NFATC2: variants seen among roughly 807,000 people sequenced by gnomAD.
NFATC2 encodes the protein nuclear factor of activated T-cells, cytoplasmic 2.
Under a neutral mutation model 87.3 loss-of-function variants are expected in NFATC2, and 22 were observed. The observed-to-expected ratio is 0.25, with a 90% CI of 0.18 to 0.36. The LOEUF (loss-of-function observed/expected upper bound fraction) is 0.36. Ranked by LOEUF, NFATC2 falls within the 10% of genes least tolerant of loss-of-function variation. The probability of loss-of-function intolerance (pLI) is 1.00; values close to 1 mark genes in which losing one functional copy is unlikely to be tolerated. For missense variants in NFATC2, 1,149 were observed against 1,259.1 expected, an observed-to-expected ratio of 0.91 and a Z score of 1.32; for synonymous variants, 565 against 542.2, an observed-to-expected ratio of 1.04 and a Z score of -0.58.
chr20:51,562,468 C>G lies in NFATC2; in HGVS notation c.70+92G>C, dbSNP rs996221356. On this transcript the variant is annotated intron_variant, in intron 1 of 10. Coordinates refer to the NFATC2 transcript ENST00000414705. The surrounding 1 kb of genome is among the most constrained non-coding windows in gnomAD (Gnocchi z 5.8). ...CCAGGCCTCCCGCACCGACCTCTGC[C>G]GGGAGCTGAAAGTGCTGCCCGGGAC... The G allele has an allele frequency of 8.4e-7, 1 of 1,195,510 alleles. No homozygotes were observed. The highest frequency in any genetic ancestry group is 2.7e-5 in the East Asian group (1 of 37,212). 74.1% of individuals were successfully genotyped at this position (1,195,510 alleles called of 1,614,324 possible).
At chr20:51,497,455 T>C (rs1036526415) in intron 3 of NFATC2, among the ~76,000 whole-genome samples, 4 of 152,230 alleles carry the variant, frequency 2.6e-5, no homozygotes, top group African/African-American at 7.2e-5. Context: ...ATCCCATTTT[T>C]GCACAAGACT....
At chr20:51,503,231 G>A (rs1302170925) in intron 3 of NFATC2, among the ~76,000 whole-genome samples, 1 of 152,202 alleles carries the variant, frequency 6.6e-6, no homozygotes, top group Non-Finnish European at 1.5e-5. Flanking sequence ...TGTGCACCAT[G>A]TGAATGCATT....
intron 8 of NFATC2, among the ~76,000 whole-genome samples, chr20:51,433,386 C>A (rs1983059118): frequency 6.6e-6 from 1 of 152,202 alleles, no homozygotes; most frequent in South Asian, 2.1e-4. Flanking sequence ...TCTCAAGCCT[C>A]AGTTTCCCCA....
chr20:51,465,864 G>A (rs753915529), intron 5 of NFATC2, among the ~76,000 whole-genome samples: 4 of 152,012 alleles, frequency 2.6e-5, no homozygotes, highest in Non-Finnish European at 5.9e-5. Flanking sequence ...GTTTTGTTCA[G>A]TGTTGCATCC....
rs557028905 is a variant in NFATC2 at position 51,556,359 on chromosome 20, C to A, written c.70+6201G>T. Among the ~76,000 whole-genome samples the A allele has an allele frequency of 5.0e-4, 76 of 152,306 alleles. No homozygotes were observed. In the South Asian group the frequency reaches 6.0e-3, roughly 12 times the overall value. The stretch of plus-strand genomic sequence containing the variant: ...CACCCACTCACCAGACACACACACA[C>A]CCCAAGTCGTTCGCAACTCCATTCT... On this transcript the variant is annotated intron_variant, in intron 1 of 10. Transcript: ENST00000414705.
chr20:51,541,055 A>G (rs1369433225), intron 1 of NFATC2, among the ~76,000 whole-genome samples: 1 of 152,174 alleles, frequency 6.6e-6, no homozygotes, highest in African/African-American at 2.4e-5. Context: ...CAAAATTATT[A>G]CTAATGACCA....
rs759619175 is a variant in NFATC2 at position 51,432,548 on chromosome 20, T to G, written c.2241A>C (p.Pro747=). The part of the protein sequence containing the change: ...SPDARYQQQN[P]AAVLYQRSKS... ...TGCTCCGCTGGTAGAGTACGGCCGC[T>G]GGGTTCTGTTGCTGGTAGCGGGCGT... The change falls in exon 9 of 11, where the codon CCA becomes CCC. Residue 747 remains proline (P), a synonymous_variant. Transcript: ENST00000371564. The surrounding 1 kb of genome is among the most constrained non-coding windows in gnomAD (Gnocchi z 4.6). 6.5e-7 allele frequency: 1 copy of G among 1,544,372 alleles called. No homozygotes were observed. The highest frequency in any genetic ancestry group is 2.0e-5 in the Admixed American group (1 of 49,398).
chr20:51,515,752 G>C (rs1357744062), intron 3 of NFATC2, among the ~76,000 whole-genome samples: 1 of 151,590 alleles, frequency 6.6e-6, no homozygotes, highest in Non-Finnish European at 1.5e-5. Context: ...TCCTTAATCA[G>C]AGGTACACAC....
At position 51,432,595 on chromosome 20, in the gene NFATC2, G is replaced by C. The variant is rs772742074; in HGVS notation, c.2194C>G (p.Arg732Gly). The C allele has an allele frequency of 2.6e-6, 4 of 1,530,444 alleles. No homozygotes were observed. The highest frequency in any genetic ancestry group is 3.5e-6 in the Non-Finnish European group (4 of 1,139,792). The allele number at this position is 1,530,444 out of a possible 1,614,324, so 94.8% of individuals were successfully genotyped here. A position where few individuals can be genotyped will look rare whatever the true frequency, so the allele number is the denominator to read the frequency against. Residue 732 changes from arginine (R) to glycine (G), a missense_variant, in exon 9 of 11, where the codon CGC (arginine) becomes GGC (glycine). By Grantham distance (125) the Arg-to-Gly change is moderately radical. Around this residue, in one of 3 missense-constraint regions of NFATC2, gnomAD observed 581 missense variants for 649.7 expected, o/e 0.89. Coordinates refer to ENST00000371564, the MANE Select transcript of NFATC2 (RefSeq NM_012340.5). The surrounding 1 kb of genome is among the most constrained non-coding windows in gnomAD (Gnocchi z 4.6). The part of the protein sequence containing the change: ...VATMAPCQQF[R>G]TGLSSPDARY... ...GCGTCAGGGGATGAGAGCCCCGTGC[G>C]GAACTGCTGGCAGGGAGCCATGGTG...
chr20:51,544,238 C>T (rs886571084), upstream of NFATC2, among the ~76,000 whole-genome samples: 4 of 152,004 alleles, frequency 2.6e-5, no homozygotes, highest in African/African-American at 7.3e-5. Flanking sequence ...CCACCCGCCT[C>T]GGCCTCCCCA....
intron 10 of NFATC2, among the ~76,000 whole-genome samples, chr20:51,396,038 GTATATATATATATATA>G (rs1161908517): frequency 6.6e-3 from 141 of 21,262 alleles, no homozygotes; most frequent in East Asian, 0.021. Context: ...CTCCTAGTAT[GTATATATATATATATA>G]TATATATATA....
At chr20:51,423,722 C>G (rs1159562289) in intron 9 of NFATC2, among the ~76,000 whole-genome samples, 1 of 152,198 alleles carries the variant, frequency 6.6e-6, no homozygotes, top group African/African-American at 2.4e-5. Flanking sequence ...ACGAATGACA[C>G]TGGATGCTGC....
intron 3 of NFATC2, among the ~76,000 whole-genome samples, chr20:51,498,138 G>C (rs1218854484): frequency 6.6e-6 from 1 of 152,144 alleles, no homozygotes; most frequent in Admixed American, 6.6e-5. Context: ...CTAGTGAACT[G>C]AACCGGTCCT....
chr20:51,520,640 ATTTT>A (rs1355912736), intron 2 of NFATC2, among the ~76,000 whole-genome samples: 1 of 150,770 alleles, frequency 6.6e-6, no homozygotes, highest in African/African-American at 2.4e-5. Context: ...TTATTTATTT[ATTTT>A]TATTTATTAT....
At chr20:51,531,869 C>T (rs779627325) in intron 1 of NFATC2, among the ~76,000 whole-genome samples, 53 of 151,780 alleles carry the variant, frequency 3.5e-4, no homozygotes, top group Non-Finnish European at 1.2e-4. Flanking sequence ...GAAAGCATTA[C>T]GAAAAAAAGG....
At chr20:51,482,656 T>C (rs1989361592) in intron 3 of NFATC2, among the ~76,000 whole-genome samples, 1 of 152,248 alleles carries the variant, frequency 6.6e-6, no homozygotes, top group Non-Finnish European at 1.5e-5. Context: ...CACATACTTA[T>C]TGTTTGGTGG....
chr20:51,408,023 C>T lies in NFATC2; in HGVS notation c.2723-9293G>A, dbSNP rs6126222. ...AACCAAAGTCCTCTGTGGCCCAACC[C>T]TGGGCATCCATCCGCTCAGGCCACT... On this transcript the variant is annotated intron_variant, in intron 9 of 10. Transcript: ENST00000371564. Among the ~76,000 whole-genome samples, 5 of 152,292 alleles carry T rather than the reference C, an allele frequency of 3.3e-5. No individual in the cohort carries two copies. In the South Asian group the frequency reaches 6.2e-4, roughly 19 times the overall value.
At chr20:51,546,647 A>G (rs1601007131), upstream of NFATC2, among the ~76,000 whole-genome samples, 1 of 152,266 alleles carries the variant, frequency 6.6e-6, no homozygotes, top group East Asian at 1.9e-4. Flanking sequence ...TCTAGCACAC[A>G]TTGGTACTAT....
At chr20:51,541,897 A>G (rs1486042016) in intron 1 of NFATC2, among the ~76,000 whole-genome samples, 4 of 152,092 alleles carry the variant, frequency 2.6e-5, no homozygotes. Flanking sequence ...GGAGGGAAGG[A>G]GCGGCCTCCT....
Sources: gnomAD v4.1 joint callset for allele counts (sites outside exome capture counted in the v4.1 genomes callset) on GRCh38, gnomAD v4.1.1 for gene constraint, gnomAD v4.1.1 regional missense constraint, Gnocchi (gnomAD v3.1) non-coding constraint, MANE v1.5 for transcripts, NCBI Gene and HGNC (gene_info 2026-07-23, HGNC 2026-07-21) for gene names.